Variants in TDRD12 observed in about 807,000 individuals in gnomAD.
TDRD12 encodes the protein tudor domain containing 12, also known as putative ATP-dependent RNA helicase TDRD12.
TDRD12 carries 158 observed loss-of-function variants against 133.5 expected under a neutral mutation model. The observed-to-expected ratio is 1.18, with a 90% CI of 1.04 to 1.35. TDRD12 has a LOEUF of 1.35. Ranked by LOEUF, TDRD12 falls within the 40% of genes most tolerant of loss-of-function variation. TDRD12 has a pLI of 0.00. For missense variants in TDRD12, 1,443 were observed against 1,321.3 expected (o/e 1.09, Z -1.43); for synonymous variants, 460 against 477.9 (o/e 0.96, Z 0.49).
intron 7 of TDRD12, among the ~76,000 whole-genome samples, chr19:32,756,473 C>T (rs1969997252): frequency 1.3e-5 from 2 of 151,288 alleles, no homozygotes; most frequent in African/African-American, 4.9e-5. Flanking sequence ...CTGCAAGCTC[C>T]TCCCCCCAGG....
At chr19:32,750,435 T>A (rs1034066839) in intron 6 of TDRD12, among the ~76,000 whole-genome samples, 1 of 152,198 alleles carries the variant, frequency 6.6e-6, no homozygotes, top group African/African-American at 2.4e-5. Context: ...ATGGATTTTT[T>A]AAAAATTGTA....
intron 21 of TDRD12, among the ~76,000 whole-genome samples, chr19:32,803,792 T>C (rs1224420464): frequency 6.6e-6 from 1 of 152,182 alleles, no homozygotes. Flanking sequence ...GATGTTAATA[T>C]GCATTTCCCT....
chr19:32,736,297 TC>T (rs1259754332), intron 2 of TDRD12, among the ~76,000 whole-genome samples: 1 of 152,198 alleles, frequency 6.6e-6, no homozygotes, highest in African/African-American at 2.4e-5. Flanking sequence ...GTGTCCACAG[TC>T]CCAGCTACTT....
Position 32,810,161 on chromosome 19 carries a change from T to TGTGTGTTTGGA in TDRD12, c.2721_2722insGTGTGTTTGGA (p.Tyr908ValfsTer12). On this transcript the variant is annotated frameshift_variant, in exon 23 of 28. Transcript: ENST00000444215. LOFTEE classifies it high-confidence loss of function. ...GTATAGTTGATAAACACATGGATCTTTATGCAACTCTCAATGCTGAAATGA... is the reference window on the plus strand; with the variant it reads ...GTATAGTTGATAAACACATGGATCTTGTGTGTTTGGATATGCAACTCTCAATGCTGAAATGA... 1 of 1,535,584 alleles carries TGTGTGTTTGGA rather than the reference T, an allele frequency of 6.5e-7. No homozygotes were observed. The highest frequency in any genetic ancestry group is 8.7e-7 in the Non-Finnish European group (1 of 1,146,534).
intron 4 of TDRD12, among the ~76,000 whole-genome samples, chr19:32,744,499 C>CAAATAAA (rs1969532448): frequency 1.8e-4 from 7 of 38,080 alleles, no homozygotes; most frequent in African/African-American, 7.3e-4. Context: ...GACTCCGTCT[C>CAAATAAA]AAAAAAAAAA....
At chr19:32,818,051 T>A in intron 26 of TDRD12, 38 bp from the exon 27 acceptor site, 1 of 701,826 alleles carries the variant, frequency 1.4e-6, no homozygotes. Context: ...CAGATGCACA[T>A]GATTATTTGC....
intron 4 of TDRD12, among the ~76,000 whole-genome samples, chr19:32,745,982 C>CTGTGTGTG (rs1186338730): frequency 1.4e-3 from 87 of 63,768 alleles, no homozygotes; most frequent in African/African-American, 6.3e-3. Flanking sequence ...TGTGGTCATT[C>CTGTGTGTG]TGTGTGTGTG....
chr19:32,799,520 C>T (rs147555424), intron 16 of TDRD12, among the ~76,000 whole-genome samples: 29 of 152,214 alleles, frequency 1.9e-4, no homozygotes, highest in African/African-American at 7.0e-4. Context: ...CTCTGAGTTG[C>T]TTGTTCACTT....
chr19:32,788,231 T>C (rs1476510994), intron 11 of TDRD12, among the ~76,000 whole-genome samples: 1 of 151,970 alleles, frequency 6.6e-6, no homozygotes, highest in Non-Finnish European at 1.5e-5. Flanking sequence ...CAAGTGATTC[T>C]CCTGCCTCAG....
intron 27 of TDRD12, among the ~76,000 whole-genome samples, chr19:32,819,660 G>A (rs1439207269): frequency 6.6e-6 from 1 of 152,132 alleles, no homozygotes; most frequent in Non-Finnish European, 1.5e-5. Flanking sequence ...GCACTGCGAG[G>A]TTTCACAGAG....
At chr19:32,766,016 CTTAATA>C (rs1219116881) in intron 8 of TDRD12, among the ~76,000 whole-genome samples, 2 of 151,838 alleles carry the variant, frequency 1.3e-5, no homozygotes, top group African/African-American at 4.8e-5. Flanking sequence ...TGAAATCTAC[CTTAATA>C]TTAATATAGC....
intron 17 of TDRD12, 121 bp downstream of exon 17, chr19:32,800,479 G>A (rs1971356517): frequency 1.0e-6 from 1 of 985,536 alleles, no homozygotes. Context: ...TTACAGCTTT[G>A]ATTTCATATA....
chr19:32,747,961 G>A (rs988582724), intron 4 of TDRD12, among the ~76,000 whole-genome samples: 3 of 152,172 alleles, frequency 2.0e-5, no homozygotes, highest in Non-Finnish European at 4.4e-5. Context: ...GCTGCAATGA[G>A]CTGTGTTCAT....
At chr19:32,769,919 A>G (rs1272165905) in intron 8 of TDRD12, among the ~76,000 whole-genome samples, 1 of 151,932 alleles carries the variant, frequency 6.6e-6, no homozygotes, top group Non-Finnish European at 1.5e-5. Context: ...TATAGGCATG[A>G]GCCACTGTGC....
At chr19:32,745,470 A>G (rs757306513) in intron 4 of TDRD12, among the ~76,000 whole-genome samples, 5 of 152,238 alleles carry the variant, frequency 3.3e-5, no homozygotes, top group Non-Finnish European at 5.9e-5. Context: ...TTATACTGCC[A>G]TCATTGGGGT....
downstream of TDRD12, chr19:32,829,382 G>A (rs949284206): frequency 6.6e-6 from 1 of 152,216 alleles, no homozygotes; most frequent in African/African-American, 2.4e-5. Context: ...GTAGGATATA[G>A]GATGCTGATT....
chr19:32,825,376 T>C (rs1357106374), downstream of TDRD12, among the ~76,000 whole-genome samples: 1 of 152,156 alleles, frequency 6.6e-6, no homozygotes, highest in East Asian at 1.9e-4. The surrounding 1 kb of genome is among the most constrained non-coding windows in gnomAD (Gnocchi z 4.1). Flanking sequence ...GAAGTTCACA[T>C]TGCGTTGTTT....
chr19:32,810,665 A>G (rs1260964723), intron 23 of TDRD12, among the ~76,000 whole-genome samples: 1 of 152,196 alleles, frequency 6.6e-6, no homozygotes, highest in Non-Finnish European at 1.5e-5. Flanking sequence ...TCTGAATCAC[A>G]TGCTCGTTTG....
intron 4 of TDRD12, among the ~76,000 whole-genome samples, chr19:32,744,223 G>A (rs543651842): frequency 2.6e-4 from 40 of 151,364 alleles, no homozygotes; most frequent in African/African-American, 9.5e-4. Flanking sequence ...GAATCTGACC[G>A]GGCCTGGTGG....
Sources: gnomAD v4.1 joint callset for allele counts (sites outside exome capture counted in the v4.1 genomes callset) on GRCh38, gnomAD v4.1.1 for gene constraint, Gnocchi (gnomAD v3.1) non-coding constraint, MANE v1.5 for transcripts, NCBI Gene and HGNC (gene_info 2026-07-23, HGNC 2026-07-21) for gene names.